The following PTPRD variants were observed in gnomAD, a reference collection of about 807,000 sequenced individuals.
PTPRD encodes protein tyrosine phosphatase receptor type D.
A neutral mutation model predicts 214.5 loss-of-function variants in PTPRD; 34 were observed. The ratio of observed to expected loss-of-function variants is 0.16; its 90% CI spans 0.12 to 0.21. PTPRD has a LOEUF of 0.21. PTPRD is among the 10% of genes least tolerant of loss of function. The pLI is 1.00. For missense variants in PTPRD, 2,545 were observed against 2,398.7 expected, an observed-to-expected ratio of 1.06 and a Z score of -1.27; for synonymous variants, 1,128 against 845.7, an observed-to-expected ratio of 1.33 and a Z score of -5.79.
intron 43 of PTPRD, among the ~76,000 whole-genome samples, chr9:8,336,483 T>TAAAAA (rs200451219): frequency 1.4e-5 from 2 of 140,928 alleles, no homozygotes; most frequent in Admixed American, 7.1e-5. Flanking sequence ...TGTAAAATGA[T>TAAAAA]GAAAACCCCT....
chr9:8,901,394 A>C (rs1361098584), intron 11 of PTPRD, among the ~76,000 whole-genome samples: 2 of 152,378 alleles, frequency 1.3e-5, no homozygotes, highest in Non-Finnish European at 2.9e-5. Flanking sequence ...ACTAGTCATA[A>C]ATATTAATGA....
At chr9:10,363,998 T>TGTTTTTTTG (rs71332737) in intron 2 of PTPRD, among the ~76,000 whole-genome samples, 18 of 49,412 alleles carry the variant, frequency 3.6e-4, no homozygotes, top group African/African-American at 6.8e-4. Flanking sequence ...CGGGTTTTTT[T>TGTTTTTTTG]TTTTTTTTTT....
intron 3 of PTPRD, among the ~76,000 whole-genome samples, chr9:10,087,964 A>C (rs1468326669): frequency 1.3e-5 from 2 of 151,770 alleles, no homozygotes; most frequent in African/African-American, 4.8e-5. Flanking sequence ...AATTTTTCCC[A>C]AGATGAAATC....
chr9:10,243,980 T>C (rs1310077307), intron 3 of PTPRD, among the ~76,000 whole-genome samples: 1 of 151,910 alleles, frequency 6.6e-6, no homozygotes, highest in Non-Finnish European at 1.5e-5. Flanking sequence ...TAACAGCTTG[T>C]TCATCTCTAA....
chr9:8,488,314 G>A (rs929301789), intron 27 of PTPRD, among the ~76,000 whole-genome samples: 1 of 152,180 alleles, frequency 6.6e-6, no homozygotes, highest in African/African-American at 2.4e-5. Context: ...TGTTTCACAT[G>A]CTGGGAAGAT....
chr9:8,606,984 C>A (rs767983610), intron 14 of PTPRD, among the ~76,000 whole-genome samples: 4 of 152,078 alleles, frequency 2.6e-5, no homozygotes, highest in Non-Finnish European at 5.9e-5. Flanking sequence ...CCAATGGGGG[C>A]TGGAGCAGAC....
intron 31 of PTPRD, among the ~76,000 whole-genome samples, chr9:8,468,981 A>C (rs1392768962): frequency 6.6e-6 from 1 of 151,920 alleles, no homozygotes; most frequent in Non-Finnish European, 1.5e-5. Context: ...TTTTCCAGTC[A>C]ATGCATATCT....
At chr9:9,258,918 TC>T (rs2099978918) in intron 9 of PTPRD, among the ~76,000 whole-genome samples, 1 of 151,932 alleles carries the variant, frequency 6.6e-6, no homozygotes, top group Non-Finnish European at 1.5e-5. Flanking sequence ...GGCCTATTTT[TC>T]CAAAAATTGT....
chr9:8,831,823 A>G (rs1268463650), intron 11 of PTPRD, among the ~76,000 whole-genome samples: 2 of 152,314 alleles, frequency 1.3e-5, no homozygotes, highest in Admixed American at 1.3e-4. Flanking sequence ...TTCACAAAAC[A>G]AAGACGATTT....
intron 12 of PTPRD, among the ~76,000 whole-genome samples, chr9:8,677,651 C>A (rs1313461473): frequency 6.6e-6 from 1 of 152,028 alleles, no homozygotes; most frequent in East Asian, 1.9e-4. Flanking sequence ...GCACATGTAC[C>A]CCTGAAACTA....
chr9:9,208,246 CCTT>C (rs2099946248), intron 9 of PTPRD, among the ~76,000 whole-genome samples: 1 of 151,588 alleles, frequency 6.6e-6, no homozygotes, highest in Non-Finnish European at 1.5e-5. Flanking sequence ...GATCTCCTGA[CCTT>C]CTGATCTGCC....
At chr9:9,905,971 A>G (rs1315185756) in intron 5 of PTPRD, among the ~76,000 whole-genome samples, 1 of 151,928 alleles carries the variant, frequency 6.6e-6, no homozygotes, top group Admixed American at 6.6e-5. Flanking sequence ...TGTCAGAGAT[A>G]AAATTTTAAG....
At chr9:9,873,271 T>G (rs996914418) in intron 5 of PTPRD, among the ~76,000 whole-genome samples, 2 of 152,138 alleles carry the variant, frequency 1.3e-5, no homozygotes, top group Non-Finnish European at 2.9e-5. Context: ...TCTTTTGAGC[T>G]CTCTGCTTTC....
chr9:9,379,045 G>C (rs74638300), intron 9 of PTPRD, among the ~76,000 whole-genome samples: 1,859 of 151,278 alleles, frequency 0.012, 43 homozygotes, highest in African/African-American at 0.042. Context: ...TTCATGTTCT[G>C]AGTCTTTGGT....
At chr9:8,440,640 A>T (rs937534343) in intron 34 of PTPRD, among the ~76,000 whole-genome samples, 1 of 152,312 alleles carries the variant, frequency 6.6e-6, no homozygotes. Flanking sequence ...GGCACGCATC[A>T]AATCTGTTAA....
At chr9:8,955,476 T>A (rs901651567) in intron 11 of PTPRD, among the ~76,000 whole-genome samples, 1 of 151,784 alleles carries the variant, frequency 6.6e-6, no homozygotes, top group Non-Finnish European at 1.5e-5. Flanking sequence ...TGGAAGACAA[T>A]CACCAGCATA....
intron 14 of PTPRD, among the ~76,000 whole-genome samples, chr9:8,556,925 T>G (rs2083984645): frequency 6.6e-6 from 1 of 152,158 alleles, no homozygotes; most frequent in African/African-American, 2.4e-5. Context: ...GAGTTGACCT[T>G]TATAGTCCTT....
At chr9:10,499,869 T>C (rs1481405720) in intron 2 of PTPRD, among the ~76,000 whole-genome samples, 6 of 151,886 alleles carry the variant, frequency 4.0e-5, no homozygotes, top group Non-Finnish European at 8.8e-5. Flanking sequence ...TACCAGGTTA[T>C]AGATATATCT....
chr9:9,302,606 T>TC, intron 9 of PTPRD, among the ~76,000 whole-genome samples: 1 of 119,358 alleles, frequency 8.4e-6, no homozygotes, highest in East Asian at 2.3e-4. Context: ...TTTTTCTTTT[T>TC]TTTTTTTTTT....
Sources: gnomAD v4.1 joint callset for allele counts (sites outside exome capture counted in the v4.1 genomes callset) on GRCh38, gnomAD v4.1.1 for gene constraint, MANE v1.5 for transcripts, NCBI Gene and HGNC (gene_info 2026-07-23, HGNC 2026-07-21) for gene names.